PRSS27: variants seen among roughly 807,000 people sequenced by gnomAD.
The protein encoded by PRSS27 is channel-activating protease 2.
A neutral mutation model predicts 32.0 loss-of-function variants in PRSS27; 25 were observed. The observed-to-expected ratio is 0.78, with a 90% CI of 0.57 to 1.09. PRSS27 has a LOEUF of 1.09. Among genes scored for constraint, PRSS27 ranks in the 50% least tolerant of loss-of-function variants. PRSS27 has a pLI of 0.00. For missense variants in PRSS27, 401 were observed against 394.9 expected, an observed-to-expected ratio of 1.02 and a Z score of -0.13; for synonymous variants, 178 against 172.2, an observed-to-expected ratio of 1.03 and a Z score of -0.26.
At chr16:2,719,807 G>A (rs2067724097) in intron 1 of PRSS27, among the ~76,000 whole-genome samples, 1 of 152,342 alleles carries the variant, frequency 6.6e-6, no homozygotes, top group Middle Eastern at 3.4e-3. Flanking sequence ...GAGGTGGCAG[G>A]AAGCAGGGAG....
At chr16:2,715,336 T>G in intron 3 of PRSS27, 1 of 187,726 alleles carries the variant, frequency 5.3e-6, no homozygotes, top group Non-Finnish European at 1.1e-5. Flanking sequence ...TCCTTGGGCT[T>G]TGTGAGCAGA....
At position 2,715,825 on chromosome 16, in the gene PRSS27, C is replaced by T. The variant is rs1484544615; in HGVS notation, c.129G>A (p.Glu43=). Residue 43 remains glutamate, a synonymous_variant, in exon 3 of 6, where the codon GAG becomes GAA. Coordinates refer to ENST00000302641, the MANE Select transcript of PRSS27 (RefSeq NM_031948.5). ...TGCTGACTTGCCAGGGCCACTCGCC[C>T]TCCTGCGTGTCCTGCCCGCCCACCA... The part of the protein sequence containing the change: ...NRMVGGQDTQ[E]GEWPWQVSIQ... 6.2e-7 allele frequency: 1 copy of T among 1,605,978 alleles called. No homozygotes were observed. Among genetic ancestry groups the T allele is most frequent in the African/African-American group, 1.3e-5 (1 of 74,688 alleles).
At position 2,712,940 on chromosome 16, in the gene PRSS27, G is replaced by A. The variant is rs892051864; in HGVS notation, c.679-126C>T. ...CTCCATCCCAGAGCCTCTCTGCCCG[G>A]CTCCCCATCCCCTGCCAGTCCGATT... is the stretch of plus-strand genomic sequence containing the variant. On this transcript the variant is annotated intron_variant, in intron 5 of 5. Coordinates refer to ENST00000302641, the MANE Select transcript of PRSS27 (RefSeq NM_031948.5). This position sits in a 1 kb window ranked among gnomAD's most constrained non-coding sequence, Gnocchi z 4.6. The A allele has an allele frequency of 7.9e-5, 59 of 749,184 alleles. No individual in the cohort carries two copies. Among genetic ancestry groups the A allele is most frequent in the Non-Finnish European group, 1.1e-4 (53 of 478,918 alleles). 46.4% of individuals were successfully genotyped at this position (749,184 alleles called of 1,614,324 possible).
chr16:2,715,472 G>A, intron 3 of PRSS27: 2 of 485,196 alleles, frequency 4.1e-6, no homozygotes, highest in Middle Eastern at 5.4e-4. Context: ...GTGAGTGGGT[G>A]GAGGGGATGG....
chr16:2,718,506 G>A (rs1202830774), intron 1 of PRSS27: 3 of 151,936 alleles, frequency 2.0e-5, no homozygotes, highest in African/African-American at 7.3e-5. Flanking sequence ...TTTTAGTAGA[G>A]AGGGGTTTCA....
In PRSS27 at chr16:2,713,637, C is replaced by A. The variant is rs1024870549; in HGVS notation, c.570G>T (p.Lys190Asn). Reference sequence around the variant, plus strand: ...TGTCTTTGCTGTAGAGCAGGTTGCACTTGGGTGTGTCGATGATGGGCACAG... The same window carrying A: ...TGTCTTTGCTGTAGAGCAGGTTGCAATTGGGTGTGTCGATGATGGGCACAG... The part of the protein sequence containing the change: ...KLAVPIIDTP[K>N]CNLLYSKDTE... The change falls in exon 5 of 6, where the codon AAG (lysine) becomes AAT (asparagine). Residue 190 changes from lysine (K) to asparagine (N), a missense_variant. Physicochemically the swap from Lys to Asn is moderately conservative, Grantham distance 94. Transcript: ENST00000302641. 2.5e-6 allele frequency: 4 copies of A among 1,614,214 alleles called. No individual in the cohort carries two copies. Among genetic ancestry groups the A allele is most frequent in the Admixed American group, 1.7e-5 (1 of 60,026 alleles).
chr16:2,715,489 T>G (rs1287194688), intron 3 of PRSS27: 4 of 457,548 alleles, frequency 8.7e-6, no homozygotes, highest in African/African-American at 4.9e-5. Context: ...ATGGAGGGGG[T>G]CGGGGGGCGG....
At position 2,714,646 on chromosome 16, in the gene PRSS27, G is replaced by T; in HGVS notation, c.237-310C>A. The T allele has an allele frequency of 2.6e-6, 1 of 392,044 alleles. No individual in the cohort carries two copies. The highest frequency in any genetic ancestry group is 2.6e-5 in the South Asian group (1 of 38,118). The allele number at this position is 392,044 out of a possible 1,614,324, so 24.3% of individuals were successfully genotyped here. A position where few individuals can be genotyped will look rare whatever the true frequency, so the allele number is the denominator to read the frequency against. ...AGTCACAGTGCCTACCTGAAAGGCT[G>T]GCTCGGAGAGAACCACCCTCCAGGT... On this transcript the variant is annotated intron_variant, in intron 3 of 5. Transcript: ENST00000302641. The surrounding 1 kb of genome is among the most constrained non-coding windows in gnomAD (Gnocchi z 4.7).
intron 1 of PRSS27, chr16:2,716,837 A>G (rs147441854): frequency 6.5e-6 from 3 of 463,200 alleles, no homozygotes; most frequent in African/African-American, 3.9e-5. Flanking sequence ...CATCCTGGAA[A>G]GGGTCCTCTC....
chr16:2,716,046 C>T (rs2067700368), intron 2 of PRSS27, 166 bp from the exon 3 acceptor site: 2 of 593,034 alleles, frequency 3.4e-6, no homozygotes, highest in East Asian at 5.9e-5. Context: ...GGGATACAGG[C>T]AGACCCTCCC....
At chr16:2,716,672 G>A (rs969926801) in intron 1 of PRSS27, 146 bp from the exon 2 acceptor site, 4 of 786,456 alleles carry the variant, frequency 5.1e-6, no homozygotes, top group Admixed American at 4.7e-5. Flanking sequence ...GAGAGCCCAA[G>A]GGCCTGCAGT....
intron 2 of PRSS27, 63 bp from the exon 3 acceptor site, chr16:2,715,943 G>C (rs2067699711): frequency 7.2e-7 from 1 of 1,393,840 alleles, no homozygotes; most frequent in Non-Finnish European, 9.7e-7. Flanking sequence ...CCGAGGCCCA[G>C]CTCTCAGCCT....
chr16:2,714,067 T>C lies in PRSS27; in HGVS notation c.506A>G (p.Glu169Gly), dbSNP rs1383657445. 7 of 1,605,648 alleles carry C rather than the reference T, an allele frequency of 4.4e-6. No individual in the cohort carries two copies. Among genetic ancestry groups the C allele is most frequent in the Non-Finnish European group, 5.1e-6 (6 of 1,174,960 alleles). The change falls in exon 4 of 6, where the codon GAA becomes GGA. Residue 169 changes from glutamate to glycine, a missense_variant and splice_region_variant. Physicochemically the swap from Glu to Gly is moderately conservative, Grantham distance 98 (BLOSUM62 -2). Coordinates refer to ENST00000302641, the MANE Select transcript of PRSS27 (RefSeq NM_031948.5). This position sits in a 1 kb window ranked among gnomAD's most constrained non-coding sequence, Gnocchi z 4.7. Reference protein sequence around the residue: ...WVTGWGSPSEEDLLPEPRILQ... With the variant: ...WVTGWGSPSEGDLLPEPRILQ... The stretch of plus-strand genomic sequence containing the variant: ...CTTTCCCAGCCCTGTCCCCTTACCT[T>C]CCTCACTGGGGCTGCCCCAGCCAGT...
intron 2 of PRSS27, 103 bp downstream of exon 2, chr16:2,716,397 T>G: frequency 6.4e-6 from 7 of 1,086,942 alleles, no homozygotes; most frequent in Non-Finnish European, 9.6e-6. Flanking sequence ...TCCTCTGGAA[T>G]TCCCCAGTGT....
intron 4 of PRSS27, 136 bp downstream of exon 4, chr16:2,713,929 C>T: frequency 9.0e-7 from 1 of 1,116,532 alleles, no homozygotes. Flanking sequence ...CTCCCCTCGG[C>T]CCCACCTGTG....
chr16:2,713,792 C>G, intron 4 of PRSS27, 94 bp from the exon 5 acceptor site: 1 of 1,407,674 alleles, frequency 7.1e-7, no homozygotes, highest in African/African-American at 1.4e-5. Flanking sequence ...CTGTCGTTTC[C>G]TCATGTTTAG....
intron 1 of PRSS27, chr16:2,718,320 T>TC (rs1448169229): frequency 2.7e-5 from 4 of 150,892 alleles, no homozygotes; most frequent in African/African-American, 9.8e-5. Context: ...CTAGTCTTTT[T>TC]TTTTTTTTTT....
Position 2,712,866 on chromosome 16 carries a change from T to G in PRSS27, c.679-52A>C, listed in dbSNP as rs572045928. 2.6e-4 allele frequency: 368 copies of G among 1,398,480 alleles called. 1 individual carries two copies. In the South Asian group the frequency reaches 5.0e-3, roughly 19 times the overall value. The allele number at this position is 1,398,480 out of a possible 1,614,324, so 86.6% of individuals were successfully genotyped here. A position where few individuals can be genotyped will look rare whatever the true frequency, so the allele number is the denominator to read the frequency against. ...GAGCCCACCTTGAGTTCCCAGAGAC[T>G]CAGTTGCAGCCGCACAGGAGGTGTG... On this transcript the variant is annotated intron_variant, in intron 5 of 5. Transcript: ENST00000302641. The surrounding 1 kb of genome is among the most constrained non-coding windows in gnomAD (Gnocchi z 4.6).
chr16:2,712,782 C>A lies in PRSS27; in HGVS notation c.711G>T (p.Val237=). The change falls in exon 6 of 6, where the codon GTG becomes GTT. Residue 237 remains valine (V), a synonymous_variant. Coordinates refer to ENST00000302641, the MANE Select transcript of PRSS27 (RefSeq NM_031948.5). The surrounding 1 kb of genome is among the most constrained non-coding windows in gnomAD (Gnocchi z 4.6). ...CCCCCGCCTGCAGCCACGACTGACCCACGAGGCACACCAGGGGGCCGCCCG... is the reference window on the plus strand; with the variant it reads ...CCCCCGCCTGCAGCCACGACTGACCAACGAGGCACACCAGGGGGCCGCCCG... ...GDSGGPLVCL[V]GQSWLQAGVI... is the part of the protein sequence containing the mutation. 2 of 1,584,614 alleles carry A rather than the reference C, an allele frequency of 1.3e-6. No homozygotes were observed. The highest frequency in any genetic ancestry group is 2.3e-5 in the East Asian group (1 of 43,772).
Sources: gnomAD v4.1 joint callset for allele counts (sites outside exome capture counted in the v4.1 genomes callset) on GRCh38, gnomAD v4.1.1 for gene constraint, Gnocchi (gnomAD v3.1) non-coding constraint, MANE v1.5 for transcripts, NCBI Gene and HGNC (gene_info 2026-07-23, HGNC 2026-07-21) for gene names.